The following TTLL8 variants were observed in gnomAD, a reference collection of about 807,000 sequenced individuals.
TTLL8 encodes tubulin tyrosine ligase like 8, also known as protein monoglycylase TTLL8.
TTLL8 carries 65 observed loss-of-function variants against 77.8 expected under a neutral mutation model. That is an observed-to-expected ratio of 0.84 (90% CI 0.68 to 1.03). TTLL8 has a LOEUF of 1.03. TTLL8 is among the 50% of genes least tolerant of loss of function. The pLI is 0.00. For synonymous variants in TTLL8, 402 were observed against 422.8 expected (o/e 0.95, Z 0.60); for missense variants, 910 against 1,004.5 (o/e 0.91, Z 1.27).
intron 2 of TTLL8, 46 bp from the exon 5 acceptor site, chr22:50,049,368 G>A (rs1472606803): frequency 9.5e-6 from 13 of 1,365,612 alleles, no homozygotes; most frequent in Non-Finnish European, 1.3e-5. Context: ...GCCTCAGCCA[G>A]ACTTCCCGCA....
At position 50,045,842 on chromosome 22, in the gene TTLL8, G is replaced by A. The variant is rs147401016; in HGVS notation, c.508+14C>T. The A allele has an allele frequency of 3.8e-3, 4,992 of 1,331,164 alleles. 172 individuals are homozygous for A. The South Asian group carries it at 0.048, about 13-fold the overall frequency. The allele number at this position is 1,331,164 out of a possible 1,614,324, so 82.5% of individuals were successfully genotyped here. The stretch of plus-strand genomic sequence containing the variant: ...GCTGACAGCACTGGGGCCCTCTGCC[G>A]TCTCCTCACTTACCCAGGAACTCCT... On this transcript the variant is annotated intron_variant, in intron 5 of 13. Transcript: ENST00000266182.
chr22:50,035,366 A>C (rs567494025), intron 8 of TTLL8, among the ~76,000 whole-genome samples: 1 of 152,302 alleles, frequency 6.6e-6, no homozygotes, highest in East Asian at 1.9e-4. Context: ...TGCTGGGGGC[A>C]GCTTGAAGGG....
At position 50,034,473 on chromosome 22, in the gene TTLL8, T is replaced by G. The variant is rs1480868436; in HGVS notation, c.922-11A>C. 1.5e-6 allele frequency: 2 copies of G among 1,365,774 alleles called. No homozygotes were observed. The highest frequency in any genetic ancestry group is 2.3e-5 in the South Asian group (2 of 87,854). The allele number at this position is 1,365,774 out of a possible 1,614,324, so 84.6% of individuals were successfully genotyped here. ...CAGCAGAGCCTGGCACTGCGAAAAG[T>G]AATTTCTTGAATTGGAGATGAAAGC... On this transcript the variant is annotated splice_polypyrimidine_tract_variant and intron_variant, in intron 8 of 13. Transcript: ENST00000266182. The surrounding 1 kb of genome is among the most constrained non-coding windows in gnomAD (Gnocchi z 4.1).
In TTLL8 at chr22:50,044,345, C is replaced by G. The variant is rs2061394910; in HGVS notation, c.643+910G>C. On this transcript the variant is annotated intron_variant, in intron 6 of 13. Transcript: ENST00000266182. The surrounding 1 kb of genome is among the most constrained non-coding windows in gnomAD (Gnocchi z 4.2). ...AAAAAAAAAAACATTAATTAGGAGG[C>G]CATCAGATGAGGTGGCCCAAGTGAC... Among the ~76,000 whole-genome samples the G allele has an allele frequency of 6.6e-6, 1 of 151,980 alleles. No individual in the cohort carries two copies. Among genetic ancestry groups the G allele is most frequent in the Non-Finnish European group, 1.5e-5 (1 of 68,002 alleles).
chr22:50,034,094 G>C lies in TTLL8; in HGVS notation c.1039+251C>G, dbSNP rs962526774. Among the ~76,000 whole-genome samples, 1 of 152,242 alleles carries C rather than the reference G, an allele frequency of 6.6e-6. No individual in the cohort carries two copies. The highest frequency in any genetic ancestry group is 1.5e-5 in the Non-Finnish European group (1 of 68,042). ...TAAAAAGGAAAGCATAGACCAGTTT[G>C]TGAATACAAAGGAGGAAATCCTGAT... On this transcript the variant is annotated intron_variant, in intron 9 of 13. Transcript: ENST00000266182. This position sits in a 1 kb window ranked among gnomAD's most constrained non-coding sequence, Gnocchi z 4.1.
At chr22:50,045,285 C>T in exon 6 of TTLL8, 1 of 1,360,684 alleles carries the variant, frequency 7.3e-7, no homozygotes, top group Non-Finnish European at 9.8e-7. Flanking sequence ...CTGCTCCCGG[C>T]CTCCTCCCTC....
Position 50,041,493 on chromosome 22 carries a change from C to T in TTLL8, c.830+128G>A. Reference sequence around the variant, plus strand: ...CAACGCCAGGACAGGCATCTCAACACTCAATACCCCACAGGTAGCCTAATG... The same window carrying T: ...CAACGCCAGGACAGGCATCTCAACATTCAATACCCCACAGGTAGCCTAATG... On this transcript the variant is annotated intron_variant, in intron 7 of 13. Transcript: ENST00000266182. The surrounding 1 kb of genome is among the most constrained non-coding windows in gnomAD (Gnocchi z 4.3). 1 of 1,213,618 alleles carries T rather than the reference C, an allele frequency of 8.2e-7. No individual in the cohort carries two copies. The highest frequency in any genetic ancestry group is 1.1e-6 in the Non-Finnish European group (1 of 948,802). 75.2% of individuals were successfully genotyped at this position (1,213,618 alleles called of 1,614,324 possible).
intron 12 of TTLL8, among the ~76,000 whole-genome samples, chr22:50,025,394 C>T (rs1378178709): frequency 5.3e-5 from 8 of 152,074 alleles, no homozygotes; most frequent in South Asian, 4.2e-4. Context: ...AGGCCGGGCG[C>T]GGGGGCTCAG....
intron 12 of TTLL8, among the ~76,000 whole-genome samples, chr22:50,026,312 G>A (rs906677631): frequency 2.3e-5 from 3 of 130,480 alleles, no homozygotes; most frequent in Admixed American, 7.9e-5. Context: ...ACCTCAGAGG[G>A]GAGGGTCAGA....
At chr22:50,027,367 C>T (rs2061236267) in intron 12 of TTLL8, among the ~76,000 whole-genome samples, 1 of 150,520 alleles carries the variant, frequency 6.6e-6, no homozygotes, top group Non-Finnish European at 1.5e-5. Flanking sequence ...AACTCTGTCT[C>T]TACTAAAATA....
intron 2 of TTLL8, among the ~76,000 whole-genome samples, 187 bp from the exon 5 acceptor site, chr22:50,049,509 C>A (rs1289728517): frequency 6.6e-6 from 1 of 152,186 alleles, no homozygotes; most frequent in Non-Finnish European, 1.5e-5. Flanking sequence ...ATTCTGGCAG[C>A]CCCCATACAT....
Position 50,044,696 on chromosome 22 carries a change from C to CG in TTLL8, c.643+558dup, listed in dbSNP as rs1391325064. Among the ~76,000 whole-genome samples the CG allele has an allele frequency of 6.6e-6, 1 of 152,172 alleles. No homozygotes were observed. Among genetic ancestry groups the CG allele is most frequent in the Non-Finnish European group, 1.5e-5 (1 of 68,038 alleles). ...GGGGATGTTGGCGGTGCAGGAGGCG[C>CG]GGGGGCAGGAGAGTGTGGTAAATCT... On this transcript the variant is annotated intron_variant, in intron 6 of 13. Transcript: ENST00000266182. This position sits in a 1 kb window ranked among gnomAD's most constrained non-coding sequence, Gnocchi z 4.2.
chr22:50,055,177 A>G, upstream of TTLL8: 1 of 1,269,772 alleles, frequency 7.9e-7, no homozygotes, highest in Admixed American at 2.5e-5. Flanking sequence ...AAGTTCCAAA[A>G]CAAATGTCCT....
At chr22:50,045,995 C>G (rs1268827257) in intron 4 of TTLL8, 25 bp from the exon 7 acceptor site, 1 of 1,325,118 alleles carries the variant, frequency 7.5e-7, no homozygotes, top group Non-Finnish European at 1.0e-6. Context: ...GCGTGTTAGG[C>G]AGGAGGGGCA....
chr22:50,022,210 C>T, intron 12 of TTLL8, among the ~76,000 whole-genome samples: 1 of 151,348 alleles, frequency 6.6e-6, no homozygotes, highest in African/African-American at 2.4e-5. Context: ...ACGACGTGCA[C>T]TCCTACATCT....
intron 8 of TTLL8, among the ~76,000 whole-genome samples, chr22:50,036,645 G>T (rs1348037107): frequency 6.6e-6 from 1 of 150,806 alleles, no homozygotes; most frequent in Non-Finnish European, 1.5e-5. Flanking sequence ...TGTCACCCAG[G>T]CTTGAGTGCA....
intron 8 of TTLL8, among the ~76,000 whole-genome samples, chr22:50,036,622 C>G (rs1022284347): frequency 2.7e-5 from 4 of 146,928 alleles, no homozygotes; most frequent in African/African-American, 7.6e-5. Flanking sequence ...TTTTTTAAGA[C>G]TGAGTGTCAC....
intron 12 of TTLL8, chr22:50,030,204 C>T (rs2061276409): frequency 2.0e-6 from 2 of 985,384 alleles, no homozygotes; most frequent in Non-Finnish European, 2.4e-6. Flanking sequence ...TCCACCTGGC[C>T]GGCACTCCCA....
At chr22:50,045,068 G>A in intron 6 of TTLL8, 187 bp downstream of exon 8, 1 of 450,120 alleles carries the variant, frequency 2.2e-6, no homozygotes, top group Non-Finnish European at 2.9e-6. Flanking sequence ...GGGTGACTTT[G>A]ACGTTTAGCC....
Sources: gnomAD v4.1 joint callset for allele counts (sites outside exome capture counted in the v4.1 genomes callset) on GRCh38, gnomAD v4.1.1 for gene constraint, Gnocchi (gnomAD v3.1) non-coding constraint, MANE v1.5 for transcripts, NCBI Gene and HGNC (gene_info 2026-07-23, HGNC 2026-07-21) for gene names.